The following ZFHX3 variants were observed in gnomAD, a reference collection of about 807,000 sequenced individuals.
ZFHX3 encodes the protein zinc finger homeobox protein 3.
ZFHX3 carries 42 observed loss-of-function variants against 279.1 expected under a neutral mutation model. The observed-to-expected ratio is 0.15, with a 90% CI of 0.12 to 0.19. The LOEUF is 0.19. Among genes scored for constraint, ZFHX3 ranks in the 10% least tolerant of loss-of-function variants. The probability of loss-of-function intolerance (pLI) is 1.00; values close to 1 mark genes in which losing one functional copy is unlikely to be tolerated. For missense variants in ZFHX3, 4,981 were observed against 4,754.0 expected, an observed-to-expected ratio of 1.05 and a Z score of -1.40; for synonymous variants, 2,293 against 1,957.8, an observed-to-expected ratio of 1.17 and a Z score of -4.52.
chr16:73,180,477 C>T (rs1291786272), intron 5 of ZFHX3, among the ~76,000 whole-genome samples: 5 of 152,262 alleles, frequency 3.3e-5, no homozygotes, highest in East Asian at 1.9e-4. Context: ...ATATAGGAGA[C>T]GTGAGTGGGC....
intron 4 of ZFHX3, among the ~76,000 whole-genome samples, chr16:72,865,294 G>C (rs751894466): frequency 4.1e-4 from 62 of 152,334 alleles, no homozygotes; most frequent in Non-Finnish European, 6.9e-4. Flanking sequence ...AATGGGAAAA[G>C]GGCTTGTGGC....
chr16:73,427,034 G>A (rs893618282), intron 3 of ZFHX3, among the ~76,000 whole-genome samples: 14 of 152,158 alleles, frequency 9.2e-5, no homozygotes, highest in African/African-American at 3.1e-4. Flanking sequence ...GCTCAGCCAT[G>A]ATTCATGGCT....
At chr16:73,784,919 A>G (rs1033949675) in intron 1 of ZFHX3, among the ~76,000 whole-genome samples, 1 of 151,322 alleles carries the variant, frequency 6.6e-6, no homozygotes, top group African/African-American at 2.4e-5. Flanking sequence ...TCCCACACCT[A>G]ATTCCTGCTT....
At chr16:73,770,027 G>A (rs2054000078) in intron 1 of ZFHX3, among the ~76,000 whole-genome samples, 1 of 152,182 alleles carries the variant, frequency 6.6e-6, no homozygotes. Context: ...GTCCCCTAAA[G>A]GTATCCACAC....
intron 3 of ZFHX3, among the ~76,000 whole-genome samples, chr16:73,372,898 C>T (rs944209330): frequency 2.0e-4 from 30 of 152,210 alleles, no homozygotes; most frequent in South Asian, 6.2e-4. Flanking sequence ...CATACACCCT[C>T]GCATGCAGAC....
At position 72,811,784 on chromosome 16, in the gene ZFHX3, G is replaced by A; in HGVS notation, c.3664-7C>T. The stretch of plus-strand genomic sequence containing the variant: ...AGTAGGGACACTGGTACATCTGTGG[G>A]GAACACACCCACTGCTTTGAGCAAC... On this transcript the variant is annotated splice_region_variant and splice_polypyrimidine_tract_variant and intron_variant, in intron 6 of 9. Coordinates refer to ENST00000268489, the MANE Select transcript of ZFHX3 (RefSeq NM_006885.4). 6.2e-7 allele frequency: 1 copy of A among 1,611,476 alleles called. No individual in the cohort carries two copies. Among genetic ancestry groups the A allele is most frequent in the East Asian group, 2.2e-5 (1 of 44,826 alleles).
At chr16:73,435,302 G>A (rs1471397287) in intron 3 of ZFHX3, among the ~76,000 whole-genome samples, 4 of 147,908 alleles carry the variant, frequency 2.7e-5, no homozygotes, top group South Asian at 4.2e-4. Context: ...TCCACCTCCC[G>A]GGTTCAAGTG....
At chr16:73,710,888 C>T (rs2053356026) in intron 1 of ZFHX3, among the ~76,000 whole-genome samples, 1 of 152,214 alleles carries the variant, frequency 6.6e-6, no homozygotes, top group Non-Finnish European at 1.5e-5. Context: ...TGCTGAGGGT[C>T]TCCAACTCTC....
At chr16:73,387,607 TC>T (rs1177581742) in intron 3 of ZFHX3, among the ~76,000 whole-genome samples, 1 of 151,984 alleles carries the variant, frequency 6.6e-6, no homozygotes. Context: ...TCAATAATCT[TC>T]CCCCCATCTT....
intron 5 of ZFHX3, among the ~76,000 whole-genome samples, chr16:73,244,928 G>A (rs1421885224): frequency 6.6e-6 from 1 of 152,172 alleles, no homozygotes; most frequent in Non-Finnish European, 1.5e-5. Flanking sequence ...GAGTACCTGG[G>A]GGAGATTTGG....
At chr16:73,238,199 G>C (rs1431146438) in intron 5 of ZFHX3, among the ~76,000 whole-genome samples, 1 of 152,078 alleles carries the variant, frequency 6.6e-6, no homozygotes, top group Admixed American at 6.6e-5. Flanking sequence ...TTCTGAAGAG[G>C]GTTTCTGTGG....
intron 1 of ZFHX3, among the ~76,000 whole-genome samples, chr16:73,746,288 G>A (rs973518257): frequency 1.3e-5 from 2 of 152,032 alleles, no homozygotes; most frequent in Admixed American, 1.3e-4. Flanking sequence ...TTCATAAATT[G>A]TTCTATCACT....
chr16:73,807,735 T>C (rs769336109), intron 1 of ZFHX3, among the ~76,000 whole-genome samples: 29 of 147,120 alleles, frequency 2.0e-4, no homozygotes, highest in Non-Finnish European at 3.3e-4. Context: ...CCTCCCAAAA[T>C]GTTGGAATTA....
intron 3 of ZFHX3, among the ~76,000 whole-genome samples, chr16:73,416,100 C>T (rs1276978512): frequency 2.6e-5 from 3 of 117,146 alleles, no homozygotes; most frequent in African/African-American, 3.4e-5. Flanking sequence ...CCAGCCTGGA[C>T]AACAAGAGCA....
intron 5 of ZFHX3, among the ~76,000 whole-genome samples, chr16:73,147,147 T>C (rs547598445): frequency 6.6e-6 from 1 of 152,332 alleles, no homozygotes; most frequent in South Asian, 2.1e-4. Context: ...TATGGTATGA[T>C]GGCATATGGG....
chr16:72,965,303 C>A (rs562236593), intron 1 of ZFHX3, among the ~76,000 whole-genome samples: 1 of 152,300 alleles, frequency 6.6e-6, no homozygotes, highest in African/African-American at 2.4e-5. Flanking sequence ...ACTGCTCATG[C>A]AAAAGAACGC....
intron 3 of ZFHX3, among the ~76,000 whole-genome samples, chr16:72,919,013 A>G (rs985287403): frequency 4.6e-5 from 7 of 151,616 alleles, no homozygotes; most frequent in African/African-American, 1.7e-4. Flanking sequence ...AGGTATTTCT[A>G]TACGATGTTC....
chr16:73,442,026 C>T (rs2018103600), intron 3 of ZFHX3, among the ~76,000 whole-genome samples: 2 of 152,096 alleles, frequency 1.3e-5, no homozygotes, highest in Non-Finnish European at 2.9e-5. Context: ...AGGTCTCTCC[C>T]CTTCTCCAGA....
At chr16:73,711,176 T>A (rs2053359208) in intron 1 of ZFHX3, among the ~76,000 whole-genome samples, 1 of 152,130 alleles carries the variant, frequency 6.6e-6, no homozygotes, top group Admixed American at 6.5e-5. Flanking sequence ...CAAAATGCAC[T>A]CTCTGTCTGA....
Sources: allele counts gnomAD v4.1 joint callset (sites outside exome capture counted in the v4.1 genomes callset), GRCh38; gene constraint gnomAD v4.1.1; transcripts MANE v1.5; gene names NCBI Gene and HGNC (gene_info 2026-07-23, HGNC 2026-07-21).